The following RAP1GDS1 variants were observed in gnomAD, a reference collection of about 807,000 sequenced individuals.
RAP1GDS1 encodes RAP1, GTP-GDP dissociation stimulator 1.
RAP1GDS1 carries 35 observed loss-of-function variants against 71.1 expected under a neutral mutation model. The observed-to-expected ratio is 0.49, with a 90% CI of 0.38 to 0.65. The LOEUF (loss-of-function observed/expected upper bound fraction) is 0.65, where lower values mean the gene tolerates loss of function less well. RAP1GDS1 is among the 30% of genes least tolerant of loss of function. The pLI, the probability that RAP1GDS1 is intolerant of heterozygous loss-of-function variation, is 0.00. For synonymous variants in RAP1GDS1, 229 were observed against 243.1 expected (o/e 0.94, Z 0.54); for missense variants, 663 against 706.1 (o/e 0.94, Z 0.69).
At position 98,397,610 on chromosome 4, in the gene RAP1GDS1, C is replaced by T. The variant is rs543885337; in HGVS notation, c.637+5530C>T. ...AATAACTTACATAGCAAACCTTTGACATCTGAATCCTGGATAAGAAACCAA... is the reference window on the plus strand; with the variant it reads ...AATAACTTACATAGCAAACCTTTGATATCTGAATCCTGGATAAGAAACCAA... On this transcript the variant is annotated intron_variant, in intron 6 of 14. Transcript: ENST00000408927. Among the ~76,000 whole-genome samples, 6 of 152,256 alleles carry T rather than the reference C, an allele frequency of 3.9e-5. 1 individual carries two copies. The highest frequency in any genetic ancestry group is 1.4e-4 in the African/African-American group (6 of 41,542).
At chr4:98,280,712 C>T (rs1248059580) in intron 1 of RAP1GDS1, among the ~76,000 whole-genome samples, 14 of 151,632 alleles carry the variant, frequency 9.2e-5, no homozygotes, top group East Asian at 1.9e-4. Context: ...GGTATTGTCT[C>T]GGTTTTCTTC....
At chr4:98,386,202 A>G (rs543815744) in intron 5 of RAP1GDS1, among the ~76,000 whole-genome samples, 24 of 152,074 alleles carry the variant, frequency 1.6e-4, no homozygotes, top group Admixed American at 5.9e-4. Flanking sequence ...CAAATAATTA[A>G]CCTGTAGTAA....
intron 12 of RAP1GDS1, among the ~76,000 whole-genome samples, chr4:98,424,694 G>A (rs551456905): frequency 4.6e-5 from 7 of 151,288 alleles, no homozygotes; most frequent in Non-Finnish European, 8.8e-5. Context: ...CTGGGAAGCG[G>A]AGGTTGCAGT....
intron 4 of RAP1GDS1, among the ~76,000 whole-genome samples, chr4:98,358,142 A>G (rs2110435133): frequency 6.6e-6 from 1 of 152,148 alleles, no homozygotes; most frequent in Admixed American, 6.5e-5. Flanking sequence ...GGAATATTTT[A>G]GTTCTTTAAT....
intron 6 of RAP1GDS1, 46 bp from the exon 7 acceptor site, chr4:98,404,431 G>C: frequency 6.6e-7 from 1 of 1,520,288 alleles, no homozygotes; most frequent in Non-Finnish European, 8.8e-7. Flanking sequence ...TTAGAAAACA[G>C]TTTCTGGACT....
At position 98,442,778 on chromosome 4, in the gene RAP1GDS1, T is replaced by C. The variant is rs575762686; in HGVS notation, c.*661T>C. 4 of 229,276 alleles carry C rather than the reference T, an allele frequency of 1.7e-5. No individual in the cohort carries two copies. Among genetic ancestry groups the C allele is most frequent in the South Asian group, 3.6e-4 (2 of 5,492 alleles). 14.2% of individuals were successfully genotyped at this position (229,276 alleles called of 1,614,324 possible). A position where few individuals can be genotyped will look rare whatever the true frequency, so the allele number is the denominator to read the frequency against. On this transcript the variant is annotated 3_prime_UTR_variant, in exon 15 of 15. Coordinates refer to ENST00000408927, the MANE Select transcript of RAP1GDS1 (RefSeq NM_001100427.2). ...ATTGACTATTATCAATAGCCTGATA[T>C]TGAAAAACATTTGTAGTTTTCAGTG...
intron 2 of RAP1GDS1, among the ~76,000 whole-genome samples, chr4:98,341,638 T>C (rs1260779974): frequency 6.6e-6 from 1 of 152,182 alleles, no homozygotes; most frequent in East Asian, 1.9e-4. Flanking sequence ...AGGTTATATT[T>C]CTTCTGGTAG....
intron 2 of RAP1GDS1, among the ~76,000 whole-genome samples, chr4:98,302,160 C>T (rs1728663278): frequency 6.6e-6 from 1 of 152,166 alleles, no homozygotes; most frequent in African/African-American, 2.4e-5. Context: ...TCTAAGCCAT[C>T]TGTGTTGCAG....
At chr4:98,392,739 G>A (rs1578708793) in intron 6 of RAP1GDS1, among the ~76,000 whole-genome samples, 1 of 152,122 alleles carries the variant, frequency 6.6e-6, no homozygotes, top group African/African-American at 2.4e-5. Flanking sequence ...CATATAAATT[G>A]CATTTTTCTC....
chr4:98,363,149 G>C (rs1458648919), intron 4 of RAP1GDS1, among the ~76,000 whole-genome samples: 1 of 152,152 alleles, frequency 6.6e-6, no homozygotes, highest in Non-Finnish European at 1.5e-5. Flanking sequence ...TCTGGAAAAT[G>C]AGAATGAGCC....
chr4:98,273,766 A>G (rs1317095844), intron 1 of RAP1GDS1, among the ~76,000 whole-genome samples: 1 of 152,152 alleles, frequency 6.6e-6, no homozygotes, highest in African/African-American at 2.4e-5. Context: ...TGTTGGCAAA[A>G]AGCATTGTTT....
chr4:98,434,183 G>A (rs1024035058), intron 13 of RAP1GDS1, 121 bp downstream of exon 13: 39 of 1,163,600 alleles, frequency 3.4e-5, no homozygotes, highest in African/African-American at 2.2e-4. Context: ...TGTCTGTACC[G>A]TTCTCTGAAT....
At chr4:98,346,600 A>C (rs547342068) in intron 3 of RAP1GDS1, among the ~76,000 whole-genome samples, 1 of 151,530 alleles carries the variant, frequency 6.6e-6, no homozygotes, top group Admixed American at 6.6e-5. Flanking sequence ...GCTGGAGTGC[A>C]ATGGTGCGAT....
At chr4:98,400,528 TA>T (rs774732053) in intron 6 of RAP1GDS1, among the ~76,000 whole-genome samples, 1,791 of 74,336 alleles carry the variant, frequency 0.024, 12 homozygotes, top group Non-Finnish European at 0.028. Flanking sequence ...TTTATAGAAG[TA>T]AAAAAAAAAA....
intron 4 of RAP1GDS1, among the ~76,000 whole-genome samples, chr4:98,369,193 C>G (rs1240880307): frequency 6.6e-6 from 1 of 152,166 alleles, no homozygotes; most frequent in Non-Finnish European, 1.5e-5. Flanking sequence ...AACTGAGTCC[C>G]TCCCATGACA....
At chr4:98,374,427 G>T (rs1048837281) in intron 4 of RAP1GDS1, among the ~76,000 whole-genome samples, 1 of 151,838 alleles carries the variant, frequency 6.6e-6, no homozygotes, top group Non-Finnish European at 1.5e-5. Flanking sequence ...ATCCTGTAAC[G>T]TAGTCATTAT....
chr4:98,323,761 T>C, intron 2 of RAP1GDS1, among the ~76,000 whole-genome samples: 1 of 151,640 alleles, frequency 6.6e-6, no homozygotes, highest in Non-Finnish European at 1.5e-5. Context: ...TAGGTATTGA[T>C]GGGAGGTATT....
At position 98,344,627 on chromosome 4, in the gene RAP1GDS1, A is replaced by G. The variant is rs141254076; in HGVS notation, c.235+1366A>G. 2.4e-4 allele frequency among the ~76,000 whole-genome samples: 37 copies of G among 152,290 alleles called. No individual in the cohort carries two copies. In the East Asian group the frequency reaches 6.8e-3, roughly 28 times the overall value. ...GTTTCTTACAGTAATACTCTAGTAG[A>G]TGACAGCTATGTTCGAAAGACATAA... is the stretch of plus-strand genomic sequence containing the variant. On this transcript the variant is annotated intron_variant, in intron 3 of 14. Coordinates refer to ENST00000408927, the MANE Select transcript of RAP1GDS1 (RefSeq NM_001100427.2).
Position 98,416,734 on chromosome 4 carries a change from T to C in RAP1GDS1, c.764-11T>C. The C allele has an allele frequency of 6.3e-7, 1 of 1,585,086 alleles. No individual in the cohort carries two copies. Among genetic ancestry groups the C allele is most frequent in the East Asian group, 2.2e-5 (1 of 44,714 alleles). ...TCAAAGTTTGATTATTTTGTTCACG[T>C]TGTTCTTTAGATGCTATTAAACTAC... is the stretch of plus-strand genomic sequence containing the variant. On this transcript the variant is annotated splice_polypyrimidine_tract_variant and intron_variant, in intron 7 of 14. Transcript: ENST00000408927.
Sources: allele counts gnomAD v4.1 joint callset (sites outside exome capture counted in the v4.1 genomes callset), GRCh38; gene constraint gnomAD v4.1.1; transcripts MANE v1.5; gene names NCBI Gene and HGNC (gene_info 2026-07-23, HGNC 2026-07-21).